Variants in XKR5 observed in about 807,000 individuals in gnomAD.
XKR5 encodes the protein XK-related protein 5.
Under a neutral mutation model 40.8 loss-of-function variants are expected in XKR5, and 46 were observed. The observed-to-expected ratio is 1.13, with a 90% CI of 0.89 to 1.44. XKR5 has a LOEUF of 1.44. XKR5 is among the 40% of genes most tolerant of loss of function. The probability of loss-of-function intolerance (pLI) is 0.00; values close to 1 mark genes in which losing one functional copy is unlikely to be tolerated. For missense variants in XKR5, 1,169 were observed against 844.7 expected (o/e 1.38, Z -4.76); for synonymous variants, 466 against 356.1 (o/e 1.31, Z -3.48).
chr8:6,818,498 G>T (rs569653986), intron 5 of XKR5, among the ~76,000 whole-genome samples: 1 of 152,386 alleles, frequency 6.6e-6, no homozygotes, highest in South Asian at 2.1e-4. Flanking sequence ...AATGTGTGCT[G>T]ATGTGAATAA....
chr8:6,821,793 C>T (rs1160476316), intron 5 of XKR5, 76 bp downstream of exon 5: 38 of 1,290,188 alleles, frequency 2.9e-5, no homozygotes, highest in East Asian at 1.1e-4. Flanking sequence ...CACACACACA[C>T]CCCCCACACA....
chr8:6,817,866 G>T (rs934601981), intron 5 of XKR5, among the ~76,000 whole-genome samples: 1 of 152,170 alleles, frequency 6.6e-6, no homozygotes, highest in Non-Finnish European at 1.5e-5. Context: ...CTGTCATAAA[G>T]AAATGAGAAA....
intron 6 of XKR5, among the ~76,000 whole-genome samples, chr8:6,814,462 G>A (rs548972639): frequency 2.0e-5 from 3 of 152,264 alleles, no homozygotes; most frequent in Admixed American, 6.5e-5. Context: ...ATGGTTGCCA[G>A]GAGGGAAGGA....
At chr8:6,834,589 G>A (rs1429117624) in intron 1 of XKR5, among the ~76,000 whole-genome samples, 1 of 152,226 alleles carries the variant, frequency 6.6e-6, no homozygotes, top group South Asian at 2.1e-4. Flanking sequence ...CGTCCTGCTC[G>A]GCGCGCCTCG....
Position 6,829,664 on chromosome 8 carries a change from C to T in XKR5, c.242+3053G>A, listed in dbSNP as rs549819852. Among the ~76,000 whole-genome samples the T allele has an allele frequency of 3.3e-5, 5 of 152,136 alleles. No individual in the cohort carries two copies. In the South Asian group the frequency reaches 6.2e-4, roughly 19 times the overall value. ...CTGAGTAGGTGGCATTACAGGTGTG[C>T]GTGACCACGCCTGGCTAATTTGTCT... On this transcript the variant is annotated intron_variant, in intron 2 of 6. Transcript: ENST00000618742.
intron 2 of XKR5, among the ~76,000 whole-genome samples, 183 bp from the exon 3 acceptor site, chr8:6,825,532 A>G (rs542287971): frequency 5.9e-5 from 9 of 151,418 alleles, no homozygotes; most frequent in African/African-American, 1.9e-4. Context: ...CTTCTATGTA[A>G]GTTCCCCGAG....
rs753594244 is a variant in XKR5 at position 6,832,886 on chromosome 8, C to T, written c.73G>A (p.Ala25Thr). ...AEQSARLYTVAYYFTTGRLLW... is the reference protein window; with the variant it reads ...AEQSARLYTVTYYFTTGRLLW... Reference sequence around the variant, plus strand: ...AGCCGTCCTGTGGTGAAGTAGTAAGCCACGGTGTAAAGGCCTGGGTGAGAA... The same window carrying T: ...AGCCGTCCTGTGGTGAAGTAGTAAGTCACGGTGTAAAGGCCTGGGTGAGAA... Residue 25 changes from alanine (A) to threonine (T), a missense_variant, in exon 2 of 7, where the codon GCT becomes ACT. Ala to Thr is a moderately conservative substitution (Grantham distance 58). Transcript: ENST00000618742. 1.9e-6 allele frequency: 3 copies of T among 1,599,538 alleles called. 1 individual carries two copies. The South Asian group carries it at 3.4e-5, about 18-fold the overall frequency.
intron 4 of XKR5, 125 bp from the exon 5 acceptor site, chr8:6,822,163 T>C (rs989152748): frequency 3.2e-6 from 3 of 930,136 alleles, no homozygotes; most frequent in Admixed American, 6.1e-5. Context: ...AGAAGAGATA[T>C]CAAAACCCAG....
intron 5 of XKR5, among the ~76,000 whole-genome samples, chr8:6,820,545 G>C (rs1246086063): frequency 6.6e-6 from 1 of 152,014 alleles, no homozygotes; most frequent in Non-Finnish European, 1.5e-5. Context: ...GTCCACCTAT[G>C]AATAAGCCAC....
intron 6 of XKR5, among the ~76,000 whole-genome samples, chr8:6,813,638 C>T (rs915911198): frequency 1.3e-5 from 2 of 152,188 alleles, no homozygotes; most frequent in African/African-American, 4.8e-5. Flanking sequence ...GGTTTGGCAG[C>T]TCCATCAGAG....
chr8:6,833,006 C>T, intron 1 of XKR5, 106 bp from the exon 2 acceptor site: 1 of 1,078,556 alleles, frequency 9.3e-7, no homozygotes, highest in Non-Finnish European at 1.3e-6. Flanking sequence ...GATGTTCTGA[C>T]CTCTTAAAAT....
At position 6,835,507 on chromosome 8, in the gene XKR5, C is replaced by T. The variant is rs777735007; in HGVS notation, c.-14G>A. 5.4e-6 allele frequency: 8 copies of T among 1,493,934 alleles called. No individual in the cohort carries two copies. The South Asian group carries it at 7.5e-5, about 14-fold the overall frequency. The allele number at this position is 1,493,934 out of a possible 1,614,324, so 92.5% of individuals were successfully genotyped here. A position where few individuals can be genotyped will look rare whatever the true frequency, so the allele number is the denominator to read the frequency against. On this transcript the variant is annotated 5_prime_UTR_variant, in exon 1 of 7. Coordinates refer to ENST00000618742, the MANE Select transcript of XKR5 (RefSeq NM_207411.5). ...CCTCGCGTGCATCTTCCGTGCCGAC[C>T]CCGCAGCCTGCGCCCGCCCCTTCCC...
chr8:6,828,191 G>C (rs1804606154), intron 2 of XKR5, among the ~76,000 whole-genome samples: 1 of 152,204 alleles, frequency 6.6e-6, no homozygotes, highest in Admixed American at 6.5e-5. Context: ...GTATCAACAT[G>C]AGTGGCTTGG....
intron 2 of XKR5, among the ~76,000 whole-genome samples, chr8:6,825,818 A>G (rs1247726557): frequency 6.6e-6 from 1 of 152,216 alleles, no homozygotes. Context: ...CAGAATGTAG[A>G]ACTCTGTGCT....
At position 6,821,530 on chromosome 8, in the gene XKR5, G is replaced by C. The variant is rs555460560; in HGVS notation, c.807+339C>G. On this transcript the variant is annotated intron_variant, in intron 5 of 6. Transcript: ENST00000618742. ...TATTCATAAACCCCTAATAAAAATG[G>C]AGTTGATTAACAGAGACATTGAGTA... 1.4e-3 allele frequency among the ~76,000 whole-genome samples: 210 copies of C among 152,268 alleles called. 3 individuals carry two copies. In the South Asian group the frequency reaches 0.039, roughly 29 times the overall value.
intron 6 of XKR5, among the ~76,000 whole-genome samples, chr8:6,814,760 C>G (rs916121231): frequency 1.3e-5 from 2 of 152,192 alleles, no homozygotes; most frequent in Non-Finnish European, 2.9e-5. Flanking sequence ...AAGAACAGAG[C>G]TGAAACCCAG....
intron 3 of XKR5, among the ~76,000 whole-genome samples, chr8:6,824,760 C>A (rs1391679667): frequency 4.6e-5 from 7 of 152,092 alleles, no homozygotes; most frequent in Non-Finnish European, 7.4e-5. Context: ...TGGGCTCAAG[C>A]AATCCACCCA....
At chr8:6,824,044 C>G (rs888414594) in intron 3 of XKR5, among the ~76,000 whole-genome samples, 1 of 152,216 alleles carries the variant, frequency 6.6e-6, no homozygotes, top group African/African-American at 2.4e-5. Flanking sequence ...AACGTCCCAG[C>G]TCCTGATCCT....
intron 6 of XKR5, among the ~76,000 whole-genome samples, chr8:6,813,085 G>C (rs1227439317): frequency 2.6e-5 from 4 of 152,206 alleles, no homozygotes; most frequent in Non-Finnish European, 4.4e-5. Context: ...CTGAAGTAAT[G>C]CCTGAGAAGG....
Sources: allele counts gnomAD v4.1 joint callset (sites outside exome capture counted in the v4.1 genomes callset), GRCh38; gene constraint gnomAD v4.1.1; transcripts MANE v1.5; gene names NCBI Gene and HGNC (gene_info 2026-07-23, HGNC 2026-07-21).